LMF1: variants seen among roughly 807,000 people sequenced by gnomAD.
LMF1 encodes the protein transmembrane protein 112.
Under a neutral mutation model 60.6 loss-of-function variants are expected in LMF1, and 68 were observed. That is an observed-to-expected ratio of 1.12 (90% CI 0.92 to 1.37). The LOEUF (loss-of-function observed/expected upper bound fraction) is 1.37, where lower values mean the gene tolerates loss of function less well. Among genes scored for constraint, LMF1 ranks in the 40% most tolerant of loss-of-function variants. The probability of loss-of-function intolerance (pLI) is 0.00; values close to 1 mark genes in which losing one functional copy is unlikely to be tolerated. For missense variants in LMF1, 948 were observed against 767.2 expected (o/e 1.24, Z -2.78); for synonymous variants, 418 against 324.7 (o/e 1.29, Z -3.09).
intron 5 of LMF1, among the ~76,000 whole-genome samples, chr16:888,143 G>A (rs1201844194): frequency 6.6e-6 from 1 of 151,892 alleles, no homozygotes; most frequent in African/African-American, 2.4e-5. Flanking sequence ...CCCGGCCTCG[G>A]CCCAAGCCTT....
chr16:874,071 G>C lies in LMF1; in HGVS notation c.898-2730C>G, dbSNP rs947932604. On this transcript the variant is annotated intron_variant, in intron 6 of 10. Coordinates refer to ENST00000262301, the MANE Select transcript of LMF1 (RefSeq NM_022773.4). The surrounding 1 kb of genome is among the most constrained non-coding windows in gnomAD (Gnocchi z 4.1). ...TGTGAGGGTCTCCTTTGCCGGGTGTGGGGGGGGTATGGGAAGTTCTGGAAC... is the reference window on the plus strand; with the variant it reads ...TGTGAGGGTCTCCTTTGCCGGGTGTCGGGGGGGTATGGGAAGTTCTGGAAC... Among the ~76,000 whole-genome samples, 14 of 151,836 alleles carry C rather than the reference G, an allele frequency of 9.2e-5. No homozygotes were observed. The East Asian group carries it at 1.2e-3, about 13-fold the overall frequency.
Position 879,621 on chromosome 16 carries a change from GA to G in LMF1, c.845del (p.Phe282SerfsTer30), listed in dbSNP as rs1360296437. On this transcript the variant is annotated frameshift_variant, in exon 6 of 11. Coordinates refer to ENST00000262301, the MANE Select transcript of LMF1 (RefSeq NM_022773.4). LOFTEE classifies it high-confidence loss of function. ...GGATGATGCACGCCCGCCGGCCGAG[GA>G]AGAGGAAGAAGGGCACCAGGAGCTC... is the stretch of plus-strand genomic sequence containing the variant. The part of the protein sequence containing the change: ...FIELLVPFFL[F>X]LGRRACIIHG... 4 of 1,613,526 alleles carry G rather than the reference GA, an allele frequency of 2.5e-6. No homozygotes were observed. Among genetic ancestry groups the G allele is most frequent in the Non-Finnish European group, 3.4e-6 (4 of 1,179,772 alleles).
In LMF1 at chr16:897,354, C is replaced by T. The variant is rs1418034048; in HGVS notation, c.664-4282G>A. Among the ~76,000 whole-genome samples the T allele has an allele frequency of 1.3e-5, 2 of 152,174 alleles. No individual in the cohort carries two copies. Among genetic ancestry groups the T allele is most frequent in the Admixed American group, 6.5e-5 (1 of 15,284 alleles). On this transcript the variant is annotated intron_variant, in intron 4 of 10. Transcript: ENST00000262301. The surrounding 1 kb of genome is among the most constrained non-coding windows in gnomAD (Gnocchi z 4.3). ...CCTTGCACAGTGGCTCAGGACAGAC[C>T]CCCAGCCCCTACAGTCCCCGAAAGC...
At chr16:920,502 G>C (rs1388223538) in intron 3 of LMF1, among the ~76,000 whole-genome samples, 2 of 152,172 alleles carry the variant, frequency 1.3e-5, no homozygotes, top group Non-Finnish European at 2.9e-5. Flanking sequence ...AGTGAAGAAC[G>C]AAAGAAAAGG....
In LMF1 at chr16:970,841, C is replaced by A; in HGVS notation, c.140G>T (p.Gly47Val). Residue 47 changes from glycine (G) to valine (V), a missense_variant, in exon 1 of 11, where the codon GGC (glycine) becomes GTC (valine). Coordinates refer to ENST00000262301, the MANE Select transcript of LMF1 (RefSeq NM_022773.4). ...PAGSPAHLHT[G>V]TFWLTRIVLL... The stretch of plus-strand genomic sequence containing the variant: ...CACGATCCGGGTCAGCCAGAAGGTG[C>A]CCGTGTGGAGATGGGCCGGAGAGCC... 6.4e-7 allele frequency: 1 copy of A among 1,552,786 alleles called. No homozygotes were observed. Among genetic ancestry groups the A allele is most frequent in the East Asian group, 2.5e-5 (1 of 40,640 alleles).
At chr16:867,004 AG>A in intron 10 of LMF1, among the ~76,000 whole-genome samples, 1 of 152,222 alleles carries the variant, frequency 6.6e-6, no homozygotes, top group South Asian at 2.1e-4. Context: ...ACTTAGTGGG[AG>A]GAACAGGGGT....
At chr16:944,393 TTACTC>T (rs1290471337) in intron 2 of LMF1, among the ~76,000 whole-genome samples, 2 of 152,214 alleles carry the variant, frequency 1.3e-5, no homozygotes, top group East Asian at 3.8e-4. Flanking sequence ...GTTAGCTCCT[TTACTC>T]TAATGCCTTG....
intron 8 of LMF1, 64 bp downstream of exon 8, chr16:870,665 G>T: frequency 6.3e-7 from 1 of 1,575,938 alleles, no homozygotes; most frequent in Non-Finnish European, 8.7e-7. Context: ...ACCTGAATGT[G>T]GCTGGTCAGG....
chr16:882,905 G>A (rs900986607), intron 5 of LMF1, among the ~76,000 whole-genome samples: 67 of 137,204 alleles, frequency 4.9e-4, no homozygotes, highest in African/African-American at 1.7e-3. Flanking sequence ...GGAGCCCATC[G>A]CAGGACCAGG....
At chr16:865,211 T>A (rs1344132482) in intron 10 of LMF1, among the ~76,000 whole-genome samples, 2 of 152,208 alleles carry the variant, frequency 1.3e-5, no homozygotes, top group Non-Finnish European at 2.9e-5. Flanking sequence ...CTATGTCCAT[T>A]TGCCCTCATC....
chr16:919,677 G>A (rs1348727896), intron 3 of LMF1, among the ~76,000 whole-genome samples: 2 of 152,216 alleles, frequency 1.3e-5, no homozygotes, highest in African/African-American at 4.8e-5. Flanking sequence ...GATGACCTCA[G>A]GCCCACGTCC....
chr16:919,443 C>A (rs2071369375), intron 3 of LMF1, among the ~76,000 whole-genome samples: 1 of 152,076 alleles, frequency 6.6e-6, no homozygotes, highest in Admixed American at 6.5e-5. Flanking sequence ...CTGCTGAGCC[C>A]CCCTGGGAAA....
chr16:977,628 GGCCGCACAAAAGATGGGCTGCCT>G (rs1482861585), intron 1 of LMF1, among the ~76,000 whole-genome samples: 1 of 152,092 alleles, frequency 6.6e-6, no homozygotes, highest in Non-Finnish European at 1.5e-5. Context: ...GCTTCTCAGA[GGCCGCACAAAAGATGGGCTGCCT>G]GCCGCAGGAG....
At chr16:967,755 T>C (rs2072955758) in intron 1 of LMF1, among the ~76,000 whole-genome samples, 1 of 152,168 alleles carries the variant, frequency 6.6e-6, no homozygotes, top group African/African-American at 2.4e-5. Context: ...ATACGCAGGC[T>C]GCACAGTGGC....
chr16:870,753 A>G lies in LMF1; in HGVS notation c.1208T>C (p.Val403Ala), dbSNP rs757459816. ...CCTTCCGAAGGCCCCGTAAGTGTTG[A>G]CGATGTGAAGAGAGTTGAAGTGGGT... is the stretch of plus-strand genomic sequence containing the variant. The part of the protein sequence containing the change: ...MNTHFNSLHI[V>A]NTYGAFGSIT... Residue 403 changes from valine (V) to alanine (A), a missense_variant, in exon 8 of 11, where the codon GTC (valine) becomes GCC (alanine). Coordinates refer to ENST00000262301, the MANE Select transcript of LMF1 (RefSeq NM_022773.4). 6.2e-7 allele frequency: 1 copy of G among 1,612,872 alleles called. No homozygotes were observed. The highest frequency in any genetic ancestry group is 1.3e-5 in the African/African-American group (1 of 74,906).
At chr16:914,216 C>A (rs2071203899) in intron 3 of LMF1, among the ~76,000 whole-genome samples, 1 of 152,038 alleles carries the variant, frequency 6.6e-6, no homozygotes, top group Admixed American at 6.5e-5. Context: ...CCTGGGCAGT[C>A]CCTGACCCCT....
intron 2 of LMF1, among the ~76,000 whole-genome samples, chr16:943,726 CAAAA>C (rs3057499): frequency 1.8e-5 from 1 of 56,834 alleles, no homozygotes; most frequent in Non-Finnish European, 3.3e-5. Flanking sequence ...GACTCTGTCT[CAAAA>C]AAAAAAAAAA....
intron 3 of LMF1, among the ~76,000 whole-genome samples, chr16:913,052 G>T (rs1482519687): frequency 6.6e-6 from 1 of 152,208 alleles, no homozygotes; most frequent in African/African-American, 2.4e-5. Flanking sequence ...GCCGGGGAGA[G>T]GAGCCGTCCT....
At chr16:940,530 G>A (rs2151794671) in intron 2 of LMF1, among the ~76,000 whole-genome samples, 2 of 152,346 alleles carry the variant, frequency 1.3e-5, no homozygotes, top group Admixed American at 1.3e-4. Context: ...TTTATTTAAA[G>A]GAATGCATAA....
Sources: allele counts gnomAD v4.1 joint callset (sites outside exome capture counted in the v4.1 genomes callset), GRCh38; gene constraint gnomAD v4.1.1; non-coding constraint Gnocchi (gnomAD v3.1); transcripts MANE v1.5; gene names NCBI Gene and HGNC (gene_info 2026-07-23, HGNC 2026-07-21).